The following MGAT4C variants were observed in gnomAD, a reference collection of about 807,000 sequenced individuals.
The protein encoded by MGAT4C is alpha-1,3-mannosyl-glycoprotein 4-beta-N-acetylglucosaminyltransferase C.
In MGAT4C, 19 loss-of-function variants were observed where a neutral mutation model predicts 40.1. The observed-to-expected ratio is 0.47, with a 90% CI of 0.33 to 0.70. The LOEUF (loss-of-function observed/expected upper bound fraction) is 0.70. MGAT4C is among the 30% of genes least tolerant of loss of function. The probability of loss-of-function intolerance (pLI) is 0.02; values close to 1 mark genes in which losing one functional copy is unlikely to be tolerated. For synonymous variants in MGAT4C, 181 were observed against 187.1 expected (o/e 0.97, Z 0.27); for missense variants, 491 against 563.2 (o/e 0.87, Z 1.30).
At position 85,979,103 on chromosome 12, in the gene MGAT4C, C is replaced by A; in HGVS notation, c.*186G>T. 2.2e-6 allele frequency: 1 copy of A among 458,078 alleles called. No homozygotes were observed. Among genetic ancestry groups the A allele is most frequent in the South Asian group, 4.8e-5 (1 of 20,900 alleles). 28.4% of individuals were successfully genotyped at this position (458,078 alleles called of 1,614,324 possible). A position where few individuals can be genotyped will look rare whatever the true frequency, so the allele number is the denominator to read the frequency against. ...CTATAGACTGATATTCAACTTCAGA[C>A]GTTAAAATAAATACAAGTGTGTATT... On this transcript the variant is annotated 3_prime_UTR_variant, in exon 5 of 5. Coordinates refer to ENST00000611864, the MANE Select transcript of MGAT4C (RefSeq NM_001351288.2).
intron 3 of MGAT4C, among the ~76,000 whole-genome samples, chr12:86,382,959 G>T (rs2136221406): frequency 6.6e-6 from 1 of 152,336 alleles, no homozygotes; most frequent in Non-Finnish European, 1.5e-5. Flanking sequence ...GTGCAAAAGA[G>T]AAATGTGGGG....
intron 3 of MGAT4C, among the ~76,000 whole-genome samples, chr12:86,379,062 C>T (rs1955882189): frequency 6.6e-6 from 1 of 151,966 alleles, no homozygotes; most frequent in Non-Finnish European, 1.5e-5. Flanking sequence ...ATTATTTGTC[C>T]ATTAAAAATA....
At position 86,042,067 on chromosome 12, in the gene MGAT4C, C is replaced by T. The variant is rs112113195; in HGVS notation, c.-7+7607G>A. Among the ~76,000 whole-genome samples the T allele has an allele frequency of 4.7e-3, 708 of 152,238 alleles. 5 individuals carry two copies. The highest frequency in any genetic ancestry group is 0.016 in the African/African-American group (663 of 41,530). On this transcript the variant is annotated intron_variant, in intron 2 of 4. Transcript: ENST00000611864. The stretch of plus-strand genomic sequence containing the variant: ...TTGATTCCTCTACCATTATGTAATA[C>T]GCTTCTTTGTCTTTTTTGAACTTTG...
chr12:86,457,976 G>T (rs1208058791), intron 2 of MGAT4C, among the ~76,000 whole-genome samples: 2 of 151,360 alleles, frequency 1.3e-5, no homozygotes, highest in Admixed American at 1.3e-4. Context: ...TAATTTTTAA[G>T]AACTCAAGAT....
At chr12:86,088,886 A>G (rs892759188) in intron 1 of MGAT4C, among the ~76,000 whole-genome samples, 1 of 151,950 alleles carries the variant, frequency 6.6e-6, no homozygotes, top group Non-Finnish European at 1.5e-5. Flanking sequence ...TTTTTCTTTT[A>G]TGGCTTAAAA....
intron 1 of MGAT4C, among the ~76,000 whole-genome samples, chr12:86,183,654 A>T (rs1429734808): frequency 6.6e-6 from 1 of 152,174 alleles, no homozygotes; most frequent in Non-Finnish European, 1.5e-5. Context: ...TCCAAAATCA[A>T]GGGACTGGCC....
chr12:86,648,070 A>C (rs1480769823), intron 2 of MGAT4C, among the ~76,000 whole-genome samples: 2 of 151,950 alleles, frequency 1.3e-5, no homozygotes, highest in Non-Finnish European at 2.9e-5. Context: ...ATAAAGAGTA[A>C]ATTTAACTGT....
At chr12:86,714,173 CAGAG>C (rs561142052) in intron 2 of MGAT4C, among the ~76,000 whole-genome samples, 3 of 152,040 alleles carry the variant, frequency 2.0e-5, no homozygotes, top group Non-Finnish European at 4.4e-5. Flanking sequence ...AAAATAAAGA[CAGAG>C]AGAAAATACT....
Position 86,597,972 on chromosome 12 carries a change from A to T in MGAT4C, c.-229+129237T>A, listed in dbSNP as rs139840143. Among the ~76,000 whole-genome samples the T allele has an allele frequency of 4.6e-5, 7 of 152,214 alleles. No homozygotes were observed. The East Asian group carries it at 1.4e-3, about 29-fold the overall frequency. On this transcript the variant is annotated intron_variant, in intron 2 of 7. Transcript: ENST00000548651. The stretch of plus-strand genomic sequence containing the variant: ...TTGGTCCTATAACACTGACTCACCT[A>T]GAGCAACTTCAGGTCCTGCAAGCTC...
chr12:86,827,090 A>G (rs17310613), intron 1 of MGAT4C, among the ~76,000 whole-genome samples: 4,054 of 151,460 alleles, frequency 0.027, 93 homozygotes, highest in South Asian at 0.064. Flanking sequence ...CAAGAAAAAC[A>G]TTTCAGACAC....
intron 1 of MGAT4C, among the ~76,000 whole-genome samples, chr12:86,136,722 C>G (rs958666640): frequency 6.6e-6 from 1 of 151,872 alleles, no homozygotes; most frequent in Non-Finnish European, 1.5e-5. Flanking sequence ...GAGTTTTGCT[C>G]TTGTCATCCG....
intron 2 of MGAT4C, among the ~76,000 whole-genome samples, chr12:86,708,496 T>C (rs1304646454): frequency 1.3e-5 from 2 of 152,148 alleles, no homozygotes; most frequent in Admixed American, 6.6e-5. Flanking sequence ...CACTGCCTAG[T>C]GTAGCTGTGA....
intron 2 of MGAT4C, among the ~76,000 whole-genome samples, chr12:86,725,414 G>T (rs1280684605): frequency 6.6e-6 from 1 of 152,126 alleles, no homozygotes; most frequent in Non-Finnish European, 1.5e-5. Flanking sequence ...ACAAAAATGG[G>T]ATAAACACGG....
intron 1 of MGAT4C, among the ~76,000 whole-genome samples, chr12:86,156,372 G>C (rs1372894422): frequency 6.6e-6 from 1 of 152,100 alleles, no homozygotes; most frequent in Non-Finnish European, 1.5e-5. Context: ...GTCCAGGCTG[G>C]AGTGCAATGA....
chr12:86,091,494 G>A (rs1019402263), intron 1 of MGAT4C, among the ~76,000 whole-genome samples: 1 of 151,992 alleles, frequency 6.6e-6, no homozygotes, highest in African/African-American at 2.4e-5. Context: ...TAAAAGCAGA[G>A]CATAAAGTGG....
At chr12:86,350,481 G>T (rs1955134190) in intron 3 of MGAT4C, among the ~76,000 whole-genome samples, 1 of 152,130 alleles carries the variant, frequency 6.6e-6, no homozygotes, top group African/African-American at 2.4e-5. Flanking sequence ...TACAGAGCAA[G>T]CGTAAGCCTA....
chr12:86,813,747 A>G (rs1952524615), intron 1 of MGAT4C, among the ~76,000 whole-genome samples: 2 of 152,098 alleles, frequency 1.3e-5, no homozygotes, highest in South Asian at 4.1e-4. Context: ...ATGAAATTAC[A>G]TTTACTTTAC....
At chr12:86,664,256 A>T (rs750699246) in intron 2 of MGAT4C, among the ~76,000 whole-genome samples, 10 of 147,950 alleles carry the variant, frequency 6.8e-5, no homozygotes, top group Non-Finnish European at 1.3e-4. Context: ...TTTCTCTCTC[A>T]CTCTGTCCTC....
At chr12:86,289,297 T>G (rs1299189956) in intron 4 of MGAT4C, among the ~76,000 whole-genome samples, 1 of 152,196 alleles carries the variant, frequency 6.6e-6, no homozygotes, top group African/African-American at 2.4e-5. Context: ...CCAAGCTGTT[T>G]TGGTTACTGT....
Sources: gnomAD v4.1 joint callset for allele counts (sites outside exome capture counted in the v4.1 genomes callset) on GRCh38, gnomAD v4.1.1 for gene constraint, MANE v1.5 for transcripts, NCBI Gene and HGNC (gene_info 2026-07-23, HGNC 2026-07-21) for gene names.